The following RAP1GDS1 variants were observed in gnomAD, a reference collection of about 807,000 sequenced individuals.
The protein encoded by RAP1GDS1 is Rap1 GTPase-GDP dissociation stimulator 1.
Under a neutral mutation model 71.1 loss-of-function variants are expected in RAP1GDS1, and 35 were observed. That is an observed-to-expected ratio of 0.49 (90% CI 0.38 to 0.65). The LOEUF is 0.65. Ranked by LOEUF, RAP1GDS1 falls within the 30% of genes least tolerant of loss-of-function variation. The pLI is 0.00. For missense variants in RAP1GDS1, 663 were observed against 706.1 expected, an observed-to-expected ratio of 0.94 and a Z score of 0.69; for synonymous variants, 229 against 243.1, an observed-to-expected ratio of 0.94 and a Z score of 0.54.
intron 1 of RAP1GDS1, among the ~76,000 whole-genome samples, chr4:98,292,589 ATTC>A (rs1342205060): frequency 6.6e-6 from 1 of 151,960 alleles, no homozygotes; most frequent in East Asian, 1.9e-4. Flanking sequence ...AAACAATGCT[ATTC>A]TTCTTGCTAA....
chr4:98,379,287 A>C lies in RAP1GDS1; in HGVS notation c.508+124A>C, dbSNP rs141300829. Reference sequence around the variant, plus strand: ...GAATTCGTAAGTGGCATATAAAATTAATAATTAGCCAACATTAAATTTCAA... The same window carrying C: ...GAATTCGTAAGTGGCATATAAAATTCATAATTAGCCAACATTAAATTTCAA... On this transcript the variant is annotated intron_variant, in intron 5 of 14. Coordinates refer to ENST00000408927, the MANE Select transcript of RAP1GDS1 (RefSeq NM_001100427.2). 5.9e-3 allele frequency: 5,789 copies of C among 987,318 alleles called. 121 individuals are homozygous for C. Among genetic ancestry groups the C allele is most frequent in the Middle Eastern group, 0.049 (201 of 4,114 alleles). The allele number at this position is 987,318 out of a possible 1,614,324, so 61.2% of individuals were successfully genotyped here.
At chr4:98,308,223 CAT>C (rs1174224684) in intron 2 of RAP1GDS1, among the ~76,000 whole-genome samples, 1 of 140,692 alleles carries the variant, frequency 7.1e-6, no homozygotes, top group Non-Finnish European at 1.5e-5. Context: ...TAGGTATATA[CAT>C]ATATGTGCAT....
Position 98,392,201 on chromosome 4 carries a change from AT to A in RAP1GDS1, c.637+124del, listed in dbSNP as rs371429959. 9.3e-4 allele frequency: 854 copies of A among 917,906 alleles called. 4 individuals are homozygous for A. The African/African-American group carries it at 0.013, about 14-fold the overall frequency. The allele number at this position is 917,906 out of a possible 1,614,324, so 56.9% of individuals were successfully genotyped here. A position where few individuals can be genotyped will look rare whatever the true frequency, so the allele number is the denominator to read the frequency against. ...ATTGTATTAGTTTATTTTTTGAAGCATTTGAGATATTTCCATCAATATTTTA... is the reference window on the plus strand; with the variant it reads ...ATTGTATTAGTTTATTTTTTGAAGCATTGAGATATTTCCATCAATATTTTA... On this transcript the variant is annotated intron_variant, in intron 6 of 14. Coordinates refer to ENST00000408927, the MANE Select transcript of RAP1GDS1 (RefSeq NM_001100427.2).
At chr4:98,310,138 G>A (rs1409519186) in intron 2 of RAP1GDS1, among the ~76,000 whole-genome samples, 1 of 151,886 alleles carries the variant, frequency 6.6e-6, no homozygotes, top group East Asian at 1.9e-4. Context: ...GCTTTGATGA[G>A]GTAAGATTTA....
intron 4 of RAP1GDS1, among the ~76,000 whole-genome samples, chr4:98,375,813 G>GTAT (rs1252508170): frequency 6.6e-6 from 1 of 152,104 alleles, no homozygotes; most frequent in African/African-American, 2.4e-5. Flanking sequence ...CCATACACAA[G>GTAT]GAGGAAACGT....
intron 2 of RAP1GDS1, among the ~76,000 whole-genome samples, chr4:98,312,398 C>T (rs1308157604): frequency 6.6e-6 from 1 of 152,082 alleles, no homozygotes; most frequent in Non-Finnish European, 1.5e-5. Context: ...CTCATTGGTC[C>T]TATTTCTAGC....
At chr4:98,334,308 CAAA>C in intron 2 of RAP1GDS1, among the ~76,000 whole-genome samples, 1 of 151,622 alleles carries the variant, frequency 6.6e-6, no homozygotes, top group Admixed American at 6.6e-5. Flanking sequence ...TTTAAAAAAA[CAAA>C]AAAAACCTCT....
chr4:98,344,906 C>G (rs1736002161), intron 3 of RAP1GDS1, among the ~76,000 whole-genome samples: 1 of 152,126 alleles, frequency 6.6e-6, no homozygotes, highest in Non-Finnish European at 1.5e-5. Flanking sequence ...TTCACTGCAG[C>G]CTTGACCTCC....
At chr4:98,410,395 A>G (rs1225197033) in intron 7 of RAP1GDS1, among the ~76,000 whole-genome samples, 1 of 152,210 alleles carries the variant, frequency 6.6e-6, no homozygotes, top group African/African-American at 2.4e-5. Flanking sequence ...CCCACTGGAA[A>G]GTCTCATAAA....
intron 7 of RAP1GDS1, chr4:98,409,758 G>A (rs1025817849): frequency 4.3e-6 from 2 of 469,480 alleles, no homozygotes; most frequent in Non-Finnish European, 8.6e-6. Context: ...TGAATTCATG[G>A]CATAATAGGT....
intron 1 of RAP1GDS1, among the ~76,000 whole-genome samples, chr4:98,273,297 T>G (rs1267779885): frequency 6.6e-6 from 1 of 152,144 alleles, no homozygotes; most frequent in Non-Finnish European, 1.5e-5. Flanking sequence ...ATAACCACAT[T>G]TATTTAAGAA....
At chr4:98,384,927 A>G (rs1742519828) in intron 5 of RAP1GDS1, among the ~76,000 whole-genome samples, 1 of 151,700 alleles carries the variant, frequency 6.6e-6, no homozygotes, top group South Asian at 2.1e-4. Flanking sequence ...ATAATACCAC[A>G]TAGATGCCCA....
intron 2 of RAP1GDS1, among the ~76,000 whole-genome samples, chr4:98,324,453 G>C (rs1189545122): frequency 2.0e-5 from 3 of 150,654 alleles, no homozygotes; most frequent in African/African-American, 7.4e-5. Context: ...GAAAGAGCCC[G>C]CATCGCCAAG....
chr4:98,424,077 TGACA>T (rs1749271402), intron 12 of RAP1GDS1, among the ~76,000 whole-genome samples: 1 of 152,056 alleles, frequency 6.6e-6, no homozygotes, highest in South Asian at 2.1e-4. Flanking sequence ...GTGGTAGAAT[TGACA>T]GATTCAACAG....
chr4:98,420,163 C>G lies in RAP1GDS1; in HGVS notation c.1300+19C>G, dbSNP rs774225705. Reference sequence around the variant, plus strand: ...GCACAAGGTAAAAGAAATGTTTTCCCCAACTTGCATTTTTCATATGATAGT... The same window carrying G: ...GCACAAGGTAAAAGAAATGTTTTCCGCAACTTGCATTTTTCATATGATAGT... On this transcript the variant is annotated intron_variant, in intron 11 of 14. Transcript: ENST00000408927. The G allele has an allele frequency of 2.0e-6, 3 of 1,491,098 alleles. No homozygotes were observed. In the African/African-American group the frequency reaches 4.2e-5, roughly 21 times the overall value. The allele number at this position is 1,491,098 out of a possible 1,614,324, so 92.4% of individuals were successfully genotyped here.
At position 98,430,181 on chromosome 4, in the gene RAP1GDS1, C is replaced by T. The variant is rs137987861; in HGVS notation, c.1441-3755C>T. Among the ~76,000 whole-genome samples, 557 of 152,210 alleles carry T rather than the reference C, an allele frequency of 3.7e-3. 1 individual carries two copies. The highest frequency in any genetic ancestry group is 0.013 in the African/African-American group (533 of 41,534). On this transcript the variant is annotated intron_variant, in intron 12 of 14. Transcript: ENST00000408927. Reference sequence around the variant, plus strand: ...ATGATGAGAACTGTGGCATGGTACCCTTTTAGGAAAAGGTGGATGGGGGTG... The same window carrying T: ...ATGATGAGAACTGTGGCATGGTACCTTTTTAGGAAAAGGTGGATGGGGGTG...
At chr4:98,416,572 G>A (rs566486923) in intron 7 of RAP1GDS1, among the ~76,000 whole-genome samples, 173 bp from the exon 8 acceptor site, 8 of 151,458 alleles carry the variant, frequency 5.3e-5, no homozygotes, top group Admixed American at 1.3e-4. Flanking sequence ...GGATGGTCTC[G>A]ATCTCCTGAC....
At chr4:98,391,730 C>T (rs1298547997) in intron 5 of RAP1GDS1, among the ~76,000 whole-genome samples, 5 of 152,086 alleles carry the variant, frequency 3.3e-5, no homozygotes, top group African/African-American at 1.2e-4. Flanking sequence ...ATTTTTATTT[C>T]TAAATGCCTT....
chr4:98,282,246 T>C (rs1389121497), intron 1 of RAP1GDS1, among the ~76,000 whole-genome samples: 1 of 152,184 alleles, frequency 6.6e-6, no homozygotes, highest in Admixed American at 6.5e-5. Flanking sequence ...CCCTGGACTT[T>C]TTTTGGTTGG....
Sources: gnomAD v4.1 joint callset for allele counts (sites outside exome capture counted in the v4.1 genomes callset) on GRCh38, gnomAD v4.1.1 for gene constraint, MANE v1.5 for transcripts, NCBI Gene and HGNC (gene_info 2026-07-23, HGNC 2026-07-21) for gene names.